CNTN6: variants seen among roughly 807,000 people sequenced by gnomAD.
CNTN6 encodes the protein contactin-6.
In CNTN6, 137 loss-of-function variants were observed where a neutral mutation model predicts 122.8. The observed-to-expected ratio is 1.12, with a 90% CI of 0.97 to 1.29. CNTN6 has a LOEUF of 1.29. Ranked by LOEUF, CNTN6 falls within the 50% of genes most tolerant of loss-of-function variation. The pLI is 0.00. For synonymous variants in CNTN6, 570 were observed against 426.0 expected (o/e 1.34, Z -4.16); for missense variants, 1,634 against 1,223.4 (o/e 1.34, Z -5.01).
intron 1 of CNTN6, among the ~76,000 whole-genome samples, chr3:1,110,645 C>T (rs1246852154): frequency 4.0e-5 from 6 of 151,898 alleles, no homozygotes; most frequent in Non-Finnish European, 5.9e-5. Flanking sequence ...ATTCAGCAGC[C>T]CTGAGAAGTT....
intron 1 of CNTN6, among the ~76,000 whole-genome samples, chr3:1,126,841 A>C (rs545572349): frequency 7.6e-4 from 115 of 151,918 alleles, no homozygotes; most frequent in Non-Finnish European, 1.4e-3. Context: ...AACTTCCTAC[A>C]TGATTGAAGA....
rs192332526 is a variant in CNTN6 at position 1,129,843 on chromosome 3, T to C, written c.-82-18084T>C. On this transcript the variant is annotated intron_variant, in intron 1 of 22. Transcript: ENST00000446702. ...ATTGATTTCACGTCTCAAGTCATGC[T>C]TTTGAAAACTATTTACATCAAGACT... is the stretch of plus-strand genomic sequence containing the variant. 5.8e-3 allele frequency among the ~76,000 whole-genome samples: 866 copies of C among 149,646 alleles called. 5 individuals are homozygous for C. The highest frequency in any genetic ancestry group is 9.2e-3 in the Non-Finnish European group (625 of 67,676).
At chr3:1,330,450 C>T (rs770240607) in intron 11 of CNTN6, among the ~76,000 whole-genome samples, 1 of 151,702 alleles carries the variant, frequency 6.6e-6, no homozygotes, top group Non-Finnish European at 1.5e-5. Context: ...TCAGCACTGG[C>T]ATGTTTTCTA....
intron 4 of CNTN6, among the ~76,000 whole-genome samples, chr3:1,257,491 T>C (rs1369026450): frequency 1.3e-5 from 2 of 152,098 alleles, no homozygotes; most frequent in East Asian, 3.9e-4. Context: ...AGGCCTTCGA[T>C]TCACCTTGAA....
In CNTN6 at chr3:1,401,503, T is replaced by G. The variant is rs773862326; in HGVS notation, c.2775T>G (p.His925Gln). 1 of 1,611,990 alleles carries G rather than the reference T, an allele frequency of 6.2e-7. No homozygotes were observed. Among genetic ancestry groups the G allele is most frequent in the Admixed American group, 1.7e-5 (1 of 59,804 alleles). ...CTAAATTATGCTTGAACTGGGAGCA[T>G]GTAAAAACCATGGAAAATGAGTCTG... ...TNSKLCLNWE[H>Q]VKTMENESEV... Residue 925 changes from histidine (H) to glutamine (Q), a missense_variant, in exon 21 of 23, where the codon CAT becomes CAG. Physicochemically the swap from His to Gln is conservative, Grantham distance 24 (BLOSUM62 0). Coordinates refer to ENST00000446702, the MANE Select transcript of CNTN6 (RefSeq NM_001289080.2).
intron 4 of CNTN6, among the ~76,000 whole-genome samples, chr3:1,264,469 G>A (rs1575473884): frequency 6.6e-6 from 1 of 152,150 alleles, no homozygotes; most frequent in Non-Finnish European, 1.5e-5. Context: ...ATAGAGAGAG[G>A]TTGAGTGGTT....
chr3:1,399,493 G>T lies in CNTN6; in HGVS notation c.2705-1940G>T, dbSNP rs146743179. On this transcript the variant is annotated intron_variant, in intron 20 of 22. Transcript: ENST00000446702. ...AGGCCTTTAATTATGGGTTTATATT[G>T]TCAAGAAATGTACCAGGACATGGTC... Among the ~76,000 whole-genome samples, 428 of 152,138 alleles carry T rather than the reference G, an allele frequency of 2.8e-3. 2 individuals carry two copies. The highest frequency in any genetic ancestry group is 9.3e-3 in the African/African-American group (388 of 41,514).
At chr3:1,158,769 C>A (rs999359227) in intron 2 of CNTN6, among the ~76,000 whole-genome samples, 1 of 73,238 alleles carries the variant, frequency 1.4e-5, no homozygotes, top group African/African-American at 4.0e-5. Context: ...TATATACACA[C>A]ATATATATGT....
chr3:1,393,484 C>A (rs182863179), intron 20 of CNTN6, among the ~76,000 whole-genome samples: 14,141 of 140,778 alleles, frequency 0.1, 925 homozygotes, highest in Non-Finnish European at 0.15. Flanking sequence ...GTGCAGCGCA[C>A]CAGCATGGCA....
chr3:1,239,489 GA>G, intron 4 of CNTN6, among the ~76,000 whole-genome samples: 1 of 152,194 alleles, frequency 6.6e-6, no homozygotes, highest in Middle Eastern at 3.4e-3. Context: ...CCTCTACAAG[GA>G]AAACTATGAA....
chr3:1,390,546 G>T (rs887501049), intron 20 of CNTN6, among the ~76,000 whole-genome samples: 4 of 151,916 alleles, frequency 2.6e-5, no homozygotes, highest in African/African-American at 9.7e-5. Flanking sequence ...CAGAAAGAAA[G>T]AAATAACTAA....
intron 12 of CNTN6, among the ~76,000 whole-genome samples, chr3:1,365,965 C>T (rs1477475238): frequency 2.0e-5 from 3 of 152,076 alleles, no homozygotes; most frequent in African/African-American, 7.2e-5. Context: ...ATAGAAATTT[C>T]AGGTTCAAGT....
At chr3:1,103,675 G>C (rs887768913) in intron 1 of CNTN6, among the ~76,000 whole-genome samples, 5 of 152,126 alleles carry the variant, frequency 3.3e-5, no homozygotes, top group African/African-American at 1.2e-4. Context: ...CAGTTTTTAA[G>C]AAATTACACA....
In CNTN6 at chr3:1,209,497, G is replaced by A. The variant is rs529199238; in HGVS notation, c.56-11190G>A. Among the ~76,000 whole-genome samples the A allele has an allele frequency of 1.6e-3, 249 of 152,336 alleles. 3 individuals carry two copies. The highest frequency in any genetic ancestry group is 3.1e-3 in the Admixed American group (48 of 15,300). Reference sequence around the variant, plus strand: ...TCTAGCTTTGCATCTTGTGAAGTGAGTGCTGATTTCAAGTATGGCTTGAAT... The same window carrying A: ...TCTAGCTTTGCATCTTGTGAAGTGAATGCTGATTTCAAGTATGGCTTGAAT... On this transcript the variant is annotated intron_variant, in intron 2 of 22. Coordinates refer to ENST00000446702, the MANE Select transcript of CNTN6 (RefSeq NM_001289080.2).
intron 7 of CNTN6, among the ~76,000 whole-genome samples, chr3:1,316,804 A>G (rs1354558454): frequency 6.6e-6 from 1 of 151,850 alleles, no homozygotes; most frequent in Admixed American, 6.6e-5. Context: ...TCGCTACTAA[A>G]ATAATTTTGT....
At chr3:1,304,331 A>G (rs957183089) in intron 7 of CNTN6, among the ~76,000 whole-genome samples, 1 of 152,058 alleles carries the variant, frequency 6.6e-6, no homozygotes, top group African/African-American at 2.4e-5. Flanking sequence ...TTTTTGAAAT[A>G]CTAATTACGG....
chr3:1,125,379 A>G (rs2092123147), intron 1 of CNTN6, among the ~76,000 whole-genome samples: 1 of 151,852 alleles, frequency 6.6e-6, no homozygotes, highest in Admixed American at 6.6e-5. Flanking sequence ...GAAATTTGGG[A>G]CAAAAGAAAG....
At chr3:1,147,593 C>T (rs1269635815) in intron 1 of CNTN6, among the ~76,000 whole-genome samples, 2 of 51,400 alleles carry the variant, frequency 3.9e-5, no homozygotes, top group Admixed American at 2.2e-4. Context: ...ATGATGCAAC[C>T]CCCTTAGGAA....
intron 2 of CNTN6, among the ~76,000 whole-genome samples, chr3:1,211,914 C>T (rs2094044167): frequency 6.6e-6 from 1 of 152,094 alleles, no homozygotes; most frequent in Admixed American, 6.6e-5. Flanking sequence ...ATTGAACATG[C>T]CTTTAAGGAT....
Sources: gnomAD v4.1 joint callset for allele counts (sites outside exome capture counted in the v4.1 genomes callset) on GRCh38, gnomAD v4.1.1 for gene constraint, MANE v1.5 for transcripts, NCBI Gene and HGNC (gene_info 2026-07-23, HGNC 2026-07-21) for gene names.